The following CNIH3 variants were observed in gnomAD, a reference collection of about 807,000 sequenced individuals.
CNIH3 encodes the protein cornichon family AMPA receptor auxiliary protein 3.
In CNIH3, 14 loss-of-function variants were observed where a neutral mutation model predicts 24.1. The observed-to-expected ratio is 0.58, with a 90% CI of 0.38 to 0.91. The LOEUF is 0.91. CNIH3 is among the 40% of genes least tolerant of loss of function. The pLI is 0.00. For missense variants in CNIH3, 178 were observed against 196.8 expected, an observed-to-expected ratio of 0.90 and a Z score of 0.57; for synonymous variants, 68 against 73.8, an observed-to-expected ratio of 0.92 and a Z score of 0.40.
chr1:224,517,424 C>T lies in CNIH3; in HGVS notation n.15+1548C>T, dbSNP rs187840589. ...CCGCCTGGAGTGGCGTTTGATGCCT[C>T]GCCTTCCAGGATGTTTCTCTCTGAG... On this transcript the variant is annotated intron_variant and non_coding_transcript_variant, in intron 1 of 2. Coordinates refer to the CNIH3 transcript ENST00000470602. 6.6e-5 allele frequency among the ~76,000 whole-genome samples: 10 copies of T among 152,238 alleles called. No individual in the cohort carries two copies. The East Asian group carries it at 9.7e-4, about 15-fold the overall frequency.
intron 1 of CNIH3, among the ~76,000 whole-genome samples, chr1:224,447,393 T>C (rs1301625730): frequency 1.3e-5 from 2 of 152,058 alleles, no homozygotes; most frequent in Non-Finnish European, 2.9e-5. Context: ...GAAATCCTTT[T>C]CTCTCCTTTT....
At chr1:224,502,997 C>G (rs1677742566) in intron 1 of CNIH3, among the ~76,000 whole-genome samples, 1 of 149,882 alleles carries the variant, frequency 6.7e-6, no homozygotes, top group Non-Finnish European at 1.5e-5. Flanking sequence ...CAGCTGGGTG[C>G]CAACCCCAGA....
intron 1 of CNIH3, among the ~76,000 whole-genome samples, chr1:224,667,129 TA>T (rs1384045404): frequency 6.6e-6 from 1 of 152,190 alleles, no homozygotes; most frequent in Admixed American, 6.5e-5. Context: ...GTGAATGAAA[TA>T]ACTCTGACTC....
At chr1:224,456,283 C>T (rs555359945) in intron 1 of CNIH3, among the ~76,000 whole-genome samples, 1 of 152,322 alleles carries the variant, frequency 6.6e-6, no homozygotes, top group Admixed American at 6.5e-5. Context: ...ACAAAAAGCT[C>T]CAGTGTGTAG....
At chr1:224,556,158 C>G (rs998283818) in intron 3 of CNIH3, among the ~76,000 whole-genome samples, 6 of 151,748 alleles carry the variant, frequency 4.0e-5, no homozygotes, top group Non-Finnish European at 7.4e-5. Flanking sequence ...CCTGCCATGC[C>G]TATAGCTTGG....
intron 1 of CNIH3, among the ~76,000 whole-genome samples, chr1:224,617,480 G>T (rs893196309): frequency 6.6e-6 from 1 of 152,142 alleles, no homozygotes; most frequent in Non-Finnish European, 1.5e-5. Context: ...GACACCCTCT[G>T]CAGGGCCCGA....
At chr1:224,435,957 T>A (rs1187928516) in intron 1 of CNIH3, 1 of 152,216 alleles carries the variant, frequency 6.6e-6, no homozygotes, top group Non-Finnish European at 1.5e-5. Flanking sequence ...TGATATTTAT[T>A]ATAGTAATAA....
chr1:224,691,235 GC>G (rs11296870), intron 3 of CNIH3, among the ~76,000 whole-genome samples: 9,004 of 152,306 alleles, frequency 0.059, 311 homozygotes, highest in East Asian at 0.11. Context: ...CAAAGATGGG[GC>G]CCTTCCCAGC....
chr1:224,464,822 G>T (rs948576802), intron 1 of CNIH3, among the ~76,000 whole-genome samples: 1 of 151,986 alleles, frequency 6.6e-6, no homozygotes, highest in Non-Finnish European at 1.5e-5. Context: ...TAAAGACAGG[G>T]TCTTGCTCTA....
chr1:224,648,326 G>A (rs945084288), intron 1 of CNIH3, among the ~76,000 whole-genome samples: 3 of 150,972 alleles, frequency 2.0e-5, no homozygotes, highest in African/African-American at 7.3e-5. Flanking sequence ...CAGGAGAATC[G>A]CTCAAACCCA....
At chr1:224,522,947 G>A (rs538033956) in intron 2 of CNIH3, among the ~76,000 whole-genome samples, 2 of 152,286 alleles carry the variant, frequency 1.3e-5, no homozygotes, top group East Asian at 3.9e-4. Context: ...CACAAAAAAT[G>A]TGCTGGCTTG....
chr1:224,579,842 C>T (rs979779738), intron 4 of CNIH3, among the ~76,000 whole-genome samples: 1 of 152,162 alleles, frequency 6.6e-6, no homozygotes, highest in Non-Finnish European at 1.5e-5. Context: ...TTGGAGACAG[C>T]CTGAGGCTCT....
intron 1 of CNIH3, among the ~76,000 whole-genome samples, chr1:224,675,435 C>A (rs12117838): frequency 0.041 from 6,278 of 152,128 alleles, 207 homozygotes; most frequent in East Asian, 0.15. Context: ...GTTGAATACC[C>A]AAATATGATC....
At chr1:224,732,249 A>G (rs1385926565) in intron 4 of CNIH3, among the ~76,000 whole-genome samples, 1 of 152,136 alleles carries the variant, frequency 6.6e-6, no homozygotes, top group Non-Finnish European at 1.5e-5. Context: ...TTGGCCCATA[A>G]TTGGGTGCAG....
chr1:224,571,929 G>A (rs1278237802), intron 4 of CNIH3, among the ~76,000 whole-genome samples: 3 of 152,248 alleles, frequency 2.0e-5, no homozygotes, highest in Non-Finnish European at 4.4e-5. Flanking sequence ...AAGCAAGCAG[G>A]CATGAGTTCC....
intron 1 of CNIH3, among the ~76,000 whole-genome samples, chr1:224,454,022 G>A (rs534382632): frequency 2.0e-5 from 3 of 152,260 alleles, no homozygotes; most frequent in Non-Finnish European, 2.9e-5. Flanking sequence ...TAGTAGGATG[G>A]TAATCATGAC....
intron 3 of CNIH3, among the ~76,000 whole-genome samples, chr1:224,554,919 A>G (rs1680074727): frequency 6.6e-6 from 1 of 152,174 alleles, no homozygotes; most frequent in Non-Finnish European, 1.5e-5. Context: ...GCATTGCATC[A>G]GGTATTGTAA....
chr1:224,546,741 C>A, intron 2 of CNIH3: 1 of 227,132 alleles, frequency 4.4e-6, no homozygotes, highest in South Asian at 1.6e-4. Flanking sequence ...AATGTATCTT[C>A]CAACTTTAAT....
chr1:224,434,950 G>T, intron 1 of CNIH3: 1 of 985,740 alleles, frequency 1.0e-6, no homozygotes, highest in South Asian at 4.7e-5. Flanking sequence ...GGGCCGGCGG[G>T]GTCCGCCCCG....
Sources: gnomAD v4.1 joint callset for allele counts (sites outside exome capture counted in the v4.1 genomes callset) on GRCh38, gnomAD v4.1.1 for gene constraint, MANE v1.5 for transcripts, NCBI Gene and HGNC (gene_info 2026-07-23, HGNC 2026-07-21) for gene names.